Variants in PRKCQ observed in about 807,000 individuals in gnomAD.
PRKCQ encodes protein kinase C theta type.
PRKCQ carries 41 observed loss-of-function variants against 91.2 expected under a neutral mutation model. That is an observed-to-expected ratio of 0.45 (90% CI 0.35 to 0.58). PRKCQ has a LOEUF of 0.58. PRKCQ is among the 20% of genes least tolerant of loss of function. The pLI is 0.00. For synonymous variants in PRKCQ, 307 were observed against 316.9 expected, an observed-to-expected ratio of 0.97 and a Z score of 0.33; for missense variants, 673 against 896.5, an observed-to-expected ratio of 0.75 and a Z score of 3.18.
At chr10:6,457,848 T>C (rs1835095806) in intron 14 of PRKCQ, among the ~76,000 whole-genome samples, 1 of 152,240 alleles carries the variant, frequency 6.6e-6, no homozygotes, top group Non-Finnish European at 1.5e-5. Flanking sequence ...GGTGTTTTTC[T>C]GCTTTCCTTT....
intron 1 of PRKCQ, among the ~76,000 whole-genome samples, chr10:6,519,192 T>C (rs1458412759): frequency 6.6e-6 from 1 of 152,244 alleles, no homozygotes; most frequent in Non-Finnish European, 1.5e-5. Flanking sequence ...GGGATTTCCC[T>C]GGGTGTTTAA....
intron 16 of PRKCQ, among the ~76,000 whole-genome samples, chr10:6,433,823 G>A (rs1258228891): frequency 6.6e-6 from 1 of 152,036 alleles, no homozygotes; most frequent in East Asian, 1.9e-4. Context: ...CTGAGGTCAG[G>A]AGTTTGAGAC....
At chr10:6,498,979 G>A (rs1724853107) in intron 4 of PRKCQ, among the ~76,000 whole-genome samples, 1 of 152,202 alleles carries the variant, frequency 6.6e-6, no homozygotes, top group Non-Finnish European at 1.5e-5. Flanking sequence ...AGAATCACAT[G>A]GTTACTGACA....
At chr10:6,425,295 G>A (rs1833089305), downstream of PRKCQ, among the ~76,000 whole-genome samples, 1 of 150,198 alleles carries the variant, frequency 6.7e-6, no homozygotes, top group Admixed American at 6.7e-5. Flanking sequence ...CGCGATCTCA[G>A]CTCACTGCGA....
At chr10:6,447,528 G>A (rs1308051044) in intron 15 of PRKCQ, among the ~76,000 whole-genome samples, 1 of 152,154 alleles carries the variant, frequency 6.6e-6, no homozygotes, top group Non-Finnish European at 1.5e-5. Context: ...GGAACACAGG[G>A]GGAACAGTGG....
Position 6,472,179 on chromosome 10 carries a change from G to A in PRKCQ, c.1353+6813C>T, listed in dbSNP as rs1223078706. Among the ~76,000 whole-genome samples the A allele has an allele frequency of 2.0e-5, 3 of 151,960 alleles. No individual in the cohort carries two copies. In the East Asian group the frequency reaches 5.8e-4, roughly 29 times the overall value. Reference sequence around the variant, plus strand: ...AAAAATTAGCCAGGCATGGTGGTGGGCGCCTGTAGTCCCAGCTACTTGGGA... The same window carrying A: ...AAAAATTAGCCAGGCATGGTGGTGGACGCCTGTAGTCCCAGCTACTTGGGA... On this transcript the variant is annotated intron_variant, in intron 12 of 17. Coordinates refer to ENST00000263125, the MANE Select transcript of PRKCQ (RefSeq NM_006257.5).
chr10:6,403,940 T>C, the PRKCQ span, among the ~76,000 whole-genome samples: 1 of 151,990 alleles, frequency 6.6e-6, no homozygotes, highest in Non-Finnish European at 1.5e-5. Flanking sequence ...GGCCAACAGG[T>C]CTTCATGATT....
the PRKCQ span, among the ~76,000 whole-genome samples, chr10:6,407,662 ATGTG>A: frequency 6.6e-6 from 1 of 150,550 alleles, no homozygotes; most frequent in Admixed American, 6.8e-5. This position sits in a 1 kb window ranked among gnomAD's most constrained non-coding sequence, Gnocchi z 4.0. Context: ...ATGTGAATGA[ATGTG>A]TGTGGTATGT....
At chr10:6,510,786 GGCATCAAAGAGATCTGAAGATGTCA>G (rs1400975305) in intron 3 of PRKCQ, among the ~76,000 whole-genome samples, 184 bp downstream of exon 3, 1 of 151,978 alleles carries the variant, frequency 6.6e-6, no homozygotes, top group Non-Finnish European at 1.5e-5. Flanking sequence ...CTTTGATGTA[GGCATCAAAGAGATCTGAAGATGTCA>G]ATGTGTTCTA....
chr10:6,454,461 C>T (rs1191606203), intron 15 of PRKCQ, among the ~76,000 whole-genome samples: 6 of 151,994 alleles, frequency 3.9e-5, no homozygotes, highest in African/African-American at 1.4e-4. Flanking sequence ...TGAATTCAGT[C>T]ACAAGTTTAG....
chr10:6,569,712 T>C (rs996210869), intron 1 of PRKCQ, among the ~76,000 whole-genome samples: 4 of 152,064 alleles, frequency 2.6e-5, no homozygotes, highest in Admixed American at 2.0e-4. Flanking sequence ...GGGCAAGCTA[T>C]GGAGATAGGG....
chr10:6,562,072 T>C (rs1369173217), intron 1 of PRKCQ, among the ~76,000 whole-genome samples: 2 of 152,166 alleles, frequency 1.3e-5, no homozygotes, highest in Non-Finnish European at 2.9e-5. Flanking sequence ...AGGAAATACA[T>C]TGAGCCACGG....
rs539783760 is a variant in PRKCQ, at chr10:6,431,128, A to G, written c.1837-190T>C. 1.6e-3 allele frequency among the ~76,000 whole-genome samples: 246 copies of G among 152,306 alleles called. 1 individual carries two copies. The highest frequency in any genetic ancestry group is 1.6e-3 in the Non-Finnish European group (110 of 68,028). On this transcript the variant is annotated intron_variant, in intron 16 of 17. Transcript: ENST00000263125. ...GAAGAAGCCTTTCTAAATTTGCTGG[A>G]GTCTGACACGTTATCTTCTGAGGTG...
intron 1 of PRKCQ, among the ~76,000 whole-genome samples, chr10:6,527,758 G>A (rs1174747488): frequency 3.3e-5 from 5 of 152,060 alleles, no homozygotes; most frequent in South Asian, 2.1e-4. Context: ...GATGGCCACC[G>A]TCACACACTG....
Position 6,430,788 on chromosome 10 carries a change from C to T in PRKCQ, c.1965+22G>A, listed in dbSNP as rs1287064764. The T allele has an allele frequency of 8.1e-6, 13 of 1,609,592 alleles. No homozygotes were observed. The highest frequency in any genetic ancestry group is 1.3e-5 in the African/African-American group (1 of 74,962). ...CGGAGGGAGAGTGGCTGACACCAAG[C>T]GGCCCATGAGCGAGTCCTTACCACT... On this transcript the variant is annotated intron_variant, in intron 17 of 17. Transcript: ENST00000263125. The surrounding 1 kb of genome is among the most constrained non-coding windows in gnomAD (Gnocchi z 4.7).
intron 1 of PRKCQ, among the ~76,000 whole-genome samples, chr10:6,534,525 A>T (rs544331167): frequency 6.6e-6 from 1 of 152,052 alleles, no homozygotes; most frequent in Non-Finnish European, 1.5e-5. Flanking sequence ...AGCTTTATAG[A>T]AGGAAATGTG....
intron 16 of PRKCQ, among the ~76,000 whole-genome samples, chr10:6,437,621 T>C (rs1833764602): frequency 6.6e-6 from 1 of 152,164 alleles, no homozygotes; most frequent in African/African-American, 2.4e-5. Context: ...TAAAAAACTT[T>C]ATATCCAGAT....
At chr10:6,445,874 G>A (rs564810202) in intron 15 of PRKCQ, among the ~76,000 whole-genome samples, 204 of 152,322 alleles carry the variant, frequency 1.3e-3, no homozygotes, top group African/African-American at 4.8e-3. Flanking sequence ...CCCACAAGGC[G>A]GCGTCAAAGC....
Position 6,497,301 on chromosome 10 carries a change from C to T in PRKCQ, c.543-50G>A, listed in dbSNP as rs1022885152. Reference sequence around the variant, plus strand: ...ATTTCAATGTTGGCATCAACATCAGCACCAACAGCATTTAAGAGATGGATG... The same window carrying T: ...ATTTCAATGTTGGCATCAACATCAGTACCAACAGCATTTAAGAGATGGATG... On this transcript the variant is annotated intron_variant, in intron 5 of 17. Coordinates refer to ENST00000263125, the MANE Select transcript of PRKCQ (RefSeq NM_006257.5). This position sits in a 1 kb window ranked among gnomAD's most constrained non-coding sequence, Gnocchi z 4.5. 3.7e-6 allele frequency: 6 copies of T among 1,604,374 alleles called. No individual in the cohort carries two copies. The highest frequency in any genetic ancestry group is 1.1e-5 in the South Asian group (1 of 90,820).
Sources: gnomAD v4.1 joint callset for allele counts (sites outside exome capture counted in the v4.1 genomes callset) on GRCh38, gnomAD v4.1.1 for gene constraint, Gnocchi (gnomAD v3.1) non-coding constraint, MANE v1.5 for transcripts, NCBI Gene and HGNC (gene_info 2026-07-23, HGNC 2026-07-21) for gene names.